The following ABHD18 variants were observed in gnomAD, a reference collection of about 807,000 sequenced individuals.
The protein encoded by ABHD18 is abhydrolase domain containing 18, also known as cardiolipin-specific deacylase, mitochondrial.
ABHD18 carries 55 observed loss-of-function variants against 65.9 expected under a neutral mutation model. The ratio of observed to expected loss-of-function variants is 0.84; its 90% CI spans 0.67 to 1.05. ABHD18 has a LOEUF of 1.05. ABHD18 is among the 50% of genes least tolerant of loss of function. The pLI, the probability that ABHD18 is intolerant of heterozygous loss-of-function variation, is 0.00. For missense variants in ABHD18, 533 were observed against 558.5 expected, an observed-to-expected ratio of 0.95 and a Z score of 0.46; for synonymous variants, 181 against 180.2, an observed-to-expected ratio of 1.00 and a Z score of -0.04.
chr4:127,977,030 C>T (rs907857668), intron 1 of ABHD18, among the ~76,000 whole-genome samples: 2 of 151,664 alleles, frequency 1.3e-5, no homozygotes, highest in African/African-American at 2.4e-5. Context: ...GACAGAGCGA[C>T]ACTCCATCTC....
At chr4:128,025,824 A>T (rs1757256233) in intron 10 of ABHD18, among the ~76,000 whole-genome samples, 1 of 152,208 alleles carries the variant, frequency 6.6e-6, no homozygotes, top group South Asian at 2.1e-4. Context: ...AGTTTTAATT[A>T]ACTTAAGCAT....
chr4:128,010,130 T>C (rs1269853401), intron 6 of ABHD18, among the ~76,000 whole-genome samples: 1 of 152,242 alleles, frequency 6.6e-6, no homozygotes, highest in Non-Finnish European at 1.5e-5. Flanking sequence ...TATTAAATGA[T>C]TAATACTGTC....
chr4:127,996,117 A>G (rs1271796825), intron 4 of ABHD18, among the ~76,000 whole-genome samples: 1 of 152,248 alleles, frequency 6.6e-6, no homozygotes, highest in Non-Finnish European at 1.5e-5. Flanking sequence ...AGACAGCTAC[A>G]TATTCATTTA....
intron 12 of ABHD18, among the ~76,000 whole-genome samples, chr4:128,031,885 T>C (rs1758271154): frequency 6.6e-6 from 1 of 152,216 alleles, no homozygotes; most frequent in Non-Finnish European, 1.5e-5. Flanking sequence ...CCAATACTCA[T>C]TGGCCCTCTG....
rs909576122 is a variant in ABHD18, at chr4:128,036,542, C to G, written c.*729C>G. On this transcript the variant is annotated 3_prime_UTR_variant, in exon 13 of 13. Transcript: ENST00000645843. ...GGTTGGGAGTTCAAGACCAGCCTGACCAATATAGAGAAACCCCCTCTCTAC... is the reference window on the plus strand; with the variant it reads ...GGTTGGGAGTTCAAGACCAGCCTGAGCAATATAGAGAAACCCCCTCTCTAC... 1 of 152,112 alleles carries G rather than the reference C, an allele frequency of 6.6e-6. No individual in the cohort carries two copies. The highest frequency in any genetic ancestry group is 1.5e-5 in the Non-Finnish European group (1 of 68,156). The allele number at this position is 152,112 out of a possible 1,614,324, so 9.4% of individuals were successfully genotyped here.
intron 7 of ABHD18, among the ~76,000 whole-genome samples, chr4:128,013,595 G>C (rs545481713): frequency 6.6e-6 from 1 of 152,186 alleles, no homozygotes; most frequent in Non-Finnish European, 1.5e-5. Flanking sequence ...CTACTCAGGA[G>C]GCTGAGGCAG....
intron 7 of ABHD18, among the ~76,000 whole-genome samples, chr4:128,012,338 A>G (rs1754722322): frequency 6.6e-6 from 1 of 152,186 alleles, no homozygotes; most frequent in South Asian, 2.1e-4. Context: ...CTTACAATGC[A>G]TAGTATAGAA....
intron 6 of ABHD18, chr4:128,009,662 T>A (rs72618814): frequency 0.03 from 4,694 of 154,192 alleles, 299 homozygotes; most frequent in East Asian, 0.27. Flanking sequence ...TCAAATATTT[T>A]AAAAAAAACA....
Position 127,989,743 on chromosome 4 carries a change from A to G in ABHD18, c.200A>G (p.Lys67Arg). Residue 67 changes from lysine (K) to arginine (R), a missense_variant, in exon 4 of 13, where the codon AAG becomes AGG. By Grantham distance (26) the Lys-to-Arg change is conservative (BLOSUM62 2). Transcript: ENST00000645843. ...IDKIEEQSDC[K>R]ILDGHFVSPM... is the part of the protein sequence containing the mutation. ...TAGATTGAAGAGCAATCAGATTGTA[A>G]GATCTTAGATGGACACTTTGTTTCC... is the stretch of plus-strand genomic sequence containing the variant. The G allele has an allele frequency of 6.3e-7, 1 of 1,592,000 alleles. No homozygotes were observed. Among genetic ancestry groups the G allele is most frequent in the Non-Finnish European group, 8.6e-7 (1 of 1,169,554 alleles).
intron 11 of ABHD18, among the ~76,000 whole-genome samples, chr4:128,029,419 G>A (rs576015537): frequency 1.3e-5 from 2 of 152,176 alleles, no homozygotes; most frequent in South Asian, 2.1e-4. Context: ...AGTGGCTCAC[G>A]CCTATAATCC....
rs1759002153 is a variant in ABHD18, at chr4:128,037,640, A to G, written c.*1827A>G. ...GGTTTGAGCCACCACACCCGACCTG[A>G]CATTTTATTTTTATTTTTTTAATTA... is the stretch of plus-strand genomic sequence containing the variant. On this transcript the variant is annotated 3_prime_UTR_variant, in exon 13 of 13. Transcript: ENST00000645843. The G allele has an allele frequency of 1.3e-5, 2 of 152,030 alleles. No homozygotes were observed. Among genetic ancestry groups the G allele is most frequent in the Admixed American group, 1.3e-4 (2 of 15,234 alleles). 9.4% of individuals were successfully genotyped at this position (152,030 alleles called of 1,614,324 possible).
At chr4:128,020,279 G>A in intron 9 of ABHD18, 110 bp downstream of exon 9, 1 of 737,932 alleles carries the variant, frequency 1.4e-6, no homozygotes, top group Non-Finnish European at 2.4e-6. Context: ...AAGAATTATA[G>A]GACTCAGGAT....
At chr4:128,023,403 CAAAAAAAAA>C (rs59549849) in intron 10 of ABHD18, among the ~76,000 whole-genome samples, 3 of 44,948 alleles carry the variant, frequency 6.7e-5, no homozygotes, top group Admixed American at 4.6e-4. Context: ...CTTGTCTCTA[CAAAAAAAAA>C]AAAAAAAAAA....
At chr4:128,007,630 A>C (rs1234541826) in intron 4 of ABHD18, among the ~76,000 whole-genome samples, 1 of 150,650 alleles carries the variant, frequency 6.6e-6, no homozygotes, top group African/African-American at 2.4e-5. Flanking sequence ...AATCCCAGCT[A>C]CTTGGGAGGC....
In ABHD18 at chr4:127,969,204, CTTTTTTT is replaced by C. The variant is rs372720678; in HGVS notation, c.-18+3606_-18+3612del. Among the ~76,000 whole-genome samples, 671 of 139,070 alleles carry C rather than the reference CTTTTTTT, an allele frequency of 4.8e-3. 4 individuals are homozygous for C. Among genetic ancestry groups the C allele is most frequent in the Middle Eastern group, 0.03 (8 of 270 alleles). 91.2% of individuals were successfully genotyped at this position (139,070 alleles called of 152,430 possible). A position where few individuals can be genotyped will look rare whatever the true frequency, so the allele number is the denominator to read the frequency against. ...GGAAGGTTTTCTTTTTTTCTTTTTTCTTTTTTTTTTTTTTGAGACGGACTTTTGCTCT... is the reference window on the plus strand; with the variant it reads ...GGAAGGTTTTCTTTTTTTCTTTTTTCTTTTTTTGAGACGGACTTTTGCTCT... On this transcript the variant is annotated intron_variant, in intron 1 of 12. Transcript: ENST00000645843.
intron 1 of ABHD18, among the ~76,000 whole-genome samples, chr4:127,973,707 G>C (rs1426151961): frequency 2.0e-5 from 3 of 151,372 alleles, no homozygotes; most frequent in Non-Finnish European, 4.4e-5. Flanking sequence ...TTTTCCTGCT[G>C]GCCTTGAAGA....
Position 128,035,809 on chromosome 4 carries a change from A to C in ABHD18, c.1391A>C (p.Asn464Thr). The C allele has an allele frequency of 2.0e-6, 3 of 1,534,624 alleles. No individual in the cohort carries two copies. The highest frequency in any genetic ancestry group is 2.6e-6 in the Non-Finnish European group (3 of 1,135,034). ...AFDRFLHKYAN is the reference protein window; with the variant it reads ...AFDRFLHKYAT ...GACCGCTTCCTCCATAAATACGCTAACTAGTTGGATTATTATATGTAACCA... is the reference window on the plus strand; with the variant it reads ...GACCGCTTCCTCCATAAATACGCTACCTAGTTGGATTATTATATGTAACCA... Residue 464 changes from asparagine to threonine, a missense_variant, in exon 13 of 13, where the codon AAC (asparagine) becomes ACC (threonine). Around this residue, in one of 3 missense-constraint regions of ABHD18, gnomAD observed 220 missense variants for 226.8 expected, o/e 0.97. Transcript: ENST00000645843.
intron 3 of ABHD18, 124 bp downstream of exon 3, chr4:127,984,547 C>G: frequency 1.9e-6 from 1 of 523,246 alleles, no homozygotes; most frequent in South Asian, 3.8e-5. Context: ...ATGGATTTTT[C>G]ATTTCATATT....
rs751606816 is a variant in ABHD18, at chr4:127,983,006, A to G, written c.51A>G (p.Lys17=). The G allele has an allele frequency of 4.5e-5, 71 of 1,563,640 alleles. No homozygotes were observed. The Admixed American group carries it at 1.2e-3, about 27-fold the overall frequency. The change falls in exon 2 of 13, where the codon AAA becomes AAG. Residue 17 remains lysine (K), a synonymous_variant. Coordinates refer to ENST00000645843, the MANE Select transcript of ABHD18 (RefSeq NM_001358451.3). ...DILYRRLLLT[K]LFIRGWGRPE... ...TATACCGGAGACTTCTCCTAACAAA[A>G]CTTTTTATCAGAGGATGGGGAAGGC...
Sources: gnomAD v4.1 joint callset for allele counts (sites outside exome capture counted in the v4.1 genomes callset) on GRCh38, gnomAD v4.1.1 for gene constraint, gnomAD v4.1.1 regional missense constraint, MANE v1.5 for transcripts, NCBI Gene and HGNC (gene_info 2026-07-23, HGNC 2026-07-21) for gene names.